ASAP1: variants seen among roughly 807,000 people sequenced by gnomAD.
ASAP1 encodes the protein ArfGAP with SH3 domain, ankyrin repeat and PH domain 1.
A neutral mutation model predicts 145.2 loss-of-function variants in ASAP1; 43 were observed. That is an observed-to-expected ratio of 0.30 (90% CI 0.23 to 0.38). ASAP1 has a LOEUF of 0.38. Ranked by LOEUF, ASAP1 falls within the 10% of genes least tolerant of loss-of-function variation. The pLI, the probability that ASAP1 is intolerant of heterozygous loss-of-function variation, is 1.00. For synonymous variants in ASAP1, 546 were observed against 515.5 expected (o/e 1.06, Z -0.80); for missense variants, 1,018 against 1,355.3 (o/e 0.75, Z 3.91).
At chr8:130,340,995 C>A in intron 3 of ASAP1, 1 of 439,584 alleles carries the variant, frequency 2.3e-6, no homozygotes, top group Non-Finnish European at 4.5e-6. Context: ...CGCTGGGGGG[C>A]AGTGGTGGAG....
chr8:130,123,982 TA>T, intron 18 of ASAP1, 30 bp downstream of exon 18: 1 of 1,538,752 alleles, frequency 6.5e-7, no homozygotes, highest in African/African-American at 1.4e-5. Flanking sequence ...TAGAATGGTT[TA>T]AAAAAGTTCA....
chr8:130,072,825 G>GTGTGTGTGTGTGTGCGCGCGCGCGCGCA, intron 27 of ASAP1, among the ~76,000 whole-genome samples: 2 of 54,096 alleles, frequency 3.7e-5, no homozygotes, highest in African/African-American at 9.1e-5. Flanking sequence ...GTGTGTGTGT[G>GTGTGTGTGTGTGTGCGCGCGCGCGCGCA]CGCGCGGGGG....
chr8:130,376,928 A>AAG (rs1169422921), intron 2 of ASAP1, among the ~76,000 whole-genome samples: 1 of 147,178 alleles, frequency 6.8e-6, no homozygotes, highest in Non-Finnish European at 1.5e-5. Flanking sequence ...AAAAAAAAAA[A>AAG]AAGTCTTGCT....
intron 7 of ASAP1, among the ~76,000 whole-genome samples, chr8:130,183,209 AAAC>A (rs1189219701): frequency 2.0e-5 from 3 of 152,194 alleles, no homozygotes; most frequent in Non-Finnish European, 2.9e-5. Context: ...TAAATGCAAC[AAAC>A]AACAACCACA....
chr8:130,171,395 ACAACCATGG>A (rs1419819577), intron 9 of ASAP1, among the ~76,000 whole-genome samples: 8 of 152,206 alleles, frequency 5.3e-5, no homozygotes, highest in Non-Finnish European at 1.2e-4. Flanking sequence ...CAGGAAACTT[ACAACCATGG>A]CAGAAGGCAC....
chr8:130,153,539 T>C (rs536247286), intron 12 of ASAP1, among the ~76,000 whole-genome samples: 4 of 151,362 alleles, frequency 2.6e-5, no homozygotes, highest in Admixed American at 1.3e-4. Context: ...CTGGCTAATT[T>C]TTACATTTTT....
Position 130,112,314 on chromosome 8 carries a change from A to G in ASAP1, c.2181T>C (p.Pro727=). The change falls in exon 24 of 30, where the codon CCT becomes CCC. Residue 727 remains proline, a synonymous_variant. Transcript: ENST00000518721. The part of the protein sequence containing the change: ...SDDDLDDKPS[P]IKKERSPRPQ... ...GTCTGGGTGAGCGCTCTTTCTTGAT[A>G]GGGCTTGGCTGGCAGATGAAATAAG... 6.2e-7 allele frequency: 1 copy of G among 1,613,794 alleles called. No homozygotes were observed. Among genetic ancestry groups the G allele is most frequent in the Non-Finnish European group, 8.5e-7 (1 of 1,179,784 alleles).
chr8:130,257,832 A>G (rs1305543517), intron 3 of ASAP1, among the ~76,000 whole-genome samples: 2 of 136,772 alleles, frequency 1.5e-5, no homozygotes, highest in Non-Finnish European at 3.1e-5. Context: ...TCTCAGAAGT[A>G]GTTCTCCATG....
chr8:130,429,065 T>G (rs972448384), intron 1 of ASAP1, among the ~76,000 whole-genome samples: 23 of 152,172 alleles, frequency 1.5e-4, no homozygotes, highest in Non-Finnish European at 2.6e-4. Context: ...GTCACAGGGG[T>G]GTCTTCTCCC....
chr8:130,281,542 G>C (rs369467760), intron 3 of ASAP1, among the ~76,000 whole-genome samples: 43 of 152,184 alleles, frequency 2.8e-4, no homozygotes, highest in African/African-American at 1.0e-3. Context: ...CTAAGTACTG[G>C]TCCAGATTTT....
At chr8:130,304,939 C>T (rs773050558) in intron 3 of ASAP1, among the ~76,000 whole-genome samples, 1 of 152,204 alleles carries the variant, frequency 6.6e-6, no homozygotes, top group African/African-American at 2.4e-5. Flanking sequence ...CAGCAGTCAG[C>T]AGGCCATGCA....
At chr8:130,303,962 A>T (rs1822832303) in intron 3 of ASAP1, among the ~76,000 whole-genome samples, 1 of 152,200 alleles carries the variant, frequency 6.6e-6, no homozygotes. Flanking sequence ...GTATCAATAC[A>T]TTATTATTAA....
intron 13 of ASAP1, among the ~76,000 whole-genome samples, chr8:130,138,681 A>G (rs941077249): frequency 2.6e-5 from 4 of 152,064 alleles, no homozygotes; most frequent in African/African-American, 9.7e-5. Context: ...TACTAAAAAT[A>G]CAAAATTAGC....
intron 24 of ASAP1, among the ~76,000 whole-genome samples, chr8:130,110,524 C>A (rs1327949143): frequency 6.6e-6 from 1 of 152,242 alleles, no homozygotes; most frequent in East Asian, 1.9e-4. Context: ...AGCATTCTTA[C>A]ACTACAGACC....
intron 4 of ASAP1, among the ~76,000 whole-genome samples, chr8:130,232,382 C>T (rs185602020): frequency 1.7e-3 from 266 of 152,264 alleles, no homozygotes; most frequent in Middle Eastern, 3.4e-3. Flanking sequence ...GGAGAGGGAC[C>T]ACTAAGGCAG....
At chr8:130,269,736 G>A (rs1820477846) in intron 3 of ASAP1, among the ~76,000 whole-genome samples, 1 of 152,202 alleles carries the variant, frequency 6.6e-6, no homozygotes, top group Admixed American at 6.5e-5. Context: ...CTGGTTATAT[G>A]AACAGGCCTC....
chr8:130,167,625 A>G lies in ASAP1; in HGVS notation c.823-3T>C. On this transcript the variant is annotated splice_polypyrimidine_tract_variant and splice_region_variant and intron_variant, in intron 10 of 29. Coordinates refer to ENST00000518721, the MANE Select transcript of ASAP1 (RefSeq NM_018482.4). ...TCTTCATCCTGGGTCTGTTTTATCT[A>G]TGAAAAAAAAATTACTTCTATTACT... The G allele has an allele frequency of 1.2e-6, 2 of 1,601,040 alleles. No homozygotes were observed. The highest frequency in any genetic ancestry group is 3.4e-5 in the Admixed American group (2 of 59,626).
intron 28 of ASAP1, 106 bp downstream of exon 28, chr8:130,060,473 T>G (rs1564913423): frequency 7.0e-7 from 1 of 1,435,784 alleles, no homozygotes; most frequent in African/African-American, 1.4e-5. Flanking sequence ...AAGGGTCAGG[T>G]GAGCAAGCTC....
At chr8:130,189,417 C>T (rs1814979418) in intron 5 of ASAP1, among the ~76,000 whole-genome samples, 1 of 152,138 alleles carries the variant, frequency 6.6e-6, no homozygotes. Flanking sequence ...ACATGCAATA[C>T]TTATCTTTCT....
Sources: gnomAD v4.1 joint callset for allele counts (sites outside exome capture counted in the v4.1 genomes callset) on GRCh38, gnomAD v4.1.1 for gene constraint, MANE v1.5 for transcripts, NCBI Gene and HGNC (gene_info 2026-07-23, HGNC 2026-07-21) for gene names.